Variants in WASF2 observed in about 807,000 individuals in gnomAD.
The protein encoded by WASF2 is WASP family member 2, also known as actin-binding protein WASF2.
A neutral mutation model predicts 45.0 loss-of-function variants in WASF2; 14 were observed. The observed-to-expected ratio is 0.31, with a 90% confidence interval of 0.21 to 0.49. The LOEUF is 0.49. Among genes scored for constraint, WASF2 ranks in the 20% least tolerant of loss-of-function variants. The pLI is 0.99. For missense variants in WASF2, 439 were observed against 636.1 expected (o/e 0.69, Z 3.33); for synonymous variants, 200 against 236.3 (o/e 0.85, Z 1.41).
intron 1 of WASF2, among the ~76,000 whole-genome samples, chr1:27,460,708 A>C (rs991595933): frequency 3.9e-5 from 6 of 152,210 alleles, no homozygotes; most frequent in Admixed American, 1.3e-4. Flanking sequence ...GCCAAAATGG[A>C]GTACAGATAT....
intron 3 of WASF2, 35 bp from the exon 4 acceptor site, chr1:27,418,457 A>G: frequency 1.2e-6 from 2 of 1,614,034 alleles, no homozygotes; most frequent in East Asian, 4.5e-5. Context: ...AAAATGGACG[A>G]CAGGCTATTT....
chr1:27,419,158 TA>T, intron 2 of WASF2, 70 bp from the exon 3 acceptor site: 1 of 1,575,620 alleles, frequency 6.3e-7, no homozygotes, highest in South Asian at 1.1e-5. Flanking sequence ...AACTGGCTAC[TA>T]AAGATCGTGT....
At chr1:27,416,137 G>A in intron 4 of WASF2, 35 bp from the exon 5 acceptor site, 1 of 1,573,886 alleles carries the variant, frequency 6.4e-7, no homozygotes, top group Non-Finnish European at 8.7e-7. Context: ...GCTGTCAGTA[G>A]ACAGATGAGC....
At chr1:27,452,845 A>C (rs1172173348) in intron 1 of WASF2, among the ~76,000 whole-genome samples, 2 of 151,028 alleles carry the variant, frequency 1.3e-5, no homozygotes, top group Non-Finnish European at 3.0e-5. Context: ...AAAAATTTAA[A>C]AATTAAAAAT....
At chr1:27,462,141 C>T (rs1226732821) in intron 1 of WASF2, among the ~76,000 whole-genome samples, 1 of 151,524 alleles carries the variant, frequency 6.6e-6, no homozygotes, top group East Asian at 2.0e-4. Flanking sequence ...CCGTTCCCGG[C>T]GAATTTTTGT....
intron 1 of WASF2, among the ~76,000 whole-genome samples, chr1:27,430,911 A>C (rs1412819423): frequency 6.6e-6 from 1 of 152,216 alleles, no homozygotes; most frequent in Non-Finnish European, 1.5e-5. Context: ...GCTTAAACCA[A>C]ACTAAATATT....
At chr1:27,461,008 T>C (rs1181313488) in intron 1 of WASF2, among the ~76,000 whole-genome samples, 1 of 151,528 alleles carries the variant, frequency 6.6e-6, no homozygotes, top group East Asian at 1.9e-4. Flanking sequence ...TATCTGGGGG[T>C]GTTTGTGGGC....
chr1:27,487,249 C>T (rs1428272494), intron 1 of WASF2, among the ~76,000 whole-genome samples: 1 of 145,544 alleles, frequency 6.9e-6, no homozygotes, highest in African/African-American at 2.5e-5. Context: ...TACAGGCACC[C>T]GCCACCACGC....
chr1:27,489,232 G>A (rs2017990179), intron 1 of WASF2, among the ~76,000 whole-genome samples: 1 of 146,782 alleles, frequency 6.8e-6, no homozygotes, highest in Non-Finnish European at 1.5e-5. Context: ...TCCTTACTCT[G>A]CAGACTATCC....
intron 1 of WASF2, among the ~76,000 whole-genome samples, chr1:27,463,572 G>A (rs560195436): frequency 1.8e-3 from 257 of 143,176 alleles, no homozygotes; most frequent in Non-Finnish European, 2.8e-3. Flanking sequence ...GCAGTGAGCC[G>A]AGATAGCGCC....
intron 1 of WASF2, among the ~76,000 whole-genome samples, chr1:27,480,432 G>T (rs113429108): frequency 6.6e-6 from 1 of 151,610 alleles, no homozygotes; most frequent in African/African-American, 2.4e-5. Context: ...CACAAGAATC[G>T]CTTGGACCCG....
At chr1:27,485,577 TCA>T (rs764585144) in intron 1 of WASF2, among the ~76,000 whole-genome samples, 1 of 152,344 alleles carries the variant, frequency 6.6e-6, no homozygotes, top group East Asian at 1.9e-4. Context: ...CACATTTTAA[TCA>T]CAGTAAGATT....
At chr1:27,459,123 T>TA (rs752680109) in intron 1 of WASF2, among the ~76,000 whole-genome samples, 105 of 142,424 alleles carry the variant, frequency 7.4e-4, no homozygotes, top group Middle Eastern at 7.1e-3. Flanking sequence ...AGACTCCATC[T>TA]AAAAAAAAAA....
intron 2 of WASF2, among the ~76,000 whole-genome samples, chr1:27,420,394 A>G (rs1200717097): frequency 6.6e-6 from 1 of 152,068 alleles, no homozygotes; most frequent in African/African-American, 2.4e-5. Flanking sequence ...TGCAAGGAGA[A>G]TTTGCAGCCA....
chr1:27,456,090 A>C (rs2017462277), intron 1 of WASF2, among the ~76,000 whole-genome samples: 1 of 152,166 alleles, frequency 6.6e-6, no homozygotes, highest in Non-Finnish European at 1.5e-5. Flanking sequence ...TGGGAGGCCG[A>C]GGCAGGCGGA....
At chr1:27,416,965 T>G (rs143111870) in intron 4 of WASF2, among the ~76,000 whole-genome samples, 32 of 152,240 alleles carry the variant, frequency 2.1e-4, no homozygotes, top group African/African-American at 7.5e-4. Flanking sequence ...GAAAGGCAAT[T>G]CTATTCCCTA....
chr1:27,461,720 C>T (rs1377826168), intron 1 of WASF2, among the ~76,000 whole-genome samples: 7 of 151,998 alleles, frequency 4.6e-5, no homozygotes, highest in African/African-American at 1.4e-4. Flanking sequence ...GTAATCCACC[C>T]GCCTCGGCCT....
In WASF2 at chr1:27,418,432, G is replaced by A; in HGVS notation, c.266-10C>T. ...ATTCCTTGCAGTGACACTGAGAGAA[G>A]ATGGAAGGCGTTAGAAAATGGACGA... On this transcript the variant is annotated splice_polypyrimidine_tract_variant and intron_variant, in intron 3 of 8. Transcript: ENST00000618852. The A allele has an allele frequency of 6.2e-7, 1 of 1,614,222 alleles. No homozygotes were observed. Among genetic ancestry groups the A allele is most frequent in the Non-Finnish European group, 8.5e-7 (1 of 1,180,034 alleles).
chr1:27,424,530 A>ATTT lies in WASF2; in HGVS notation c.130+4228_130+4230dup, dbSNP rs55717236. ...CAATACATGATTTCTACCTTCAACAATTTTTTTTTTTTGGTTGCCCAGGCT... is the reference window on the plus strand; with the variant it reads ...CAATACATGATTTCTACCTTCAACAATTTTTTTTTTTTTTTGGTTGCCCAGGCT... On this transcript the variant is annotated intron_variant, in intron 2 of 8. Coordinates refer to ENST00000618852, the MANE Select transcript of WASF2 (RefSeq NM_006990.5). 2.1e-3 allele frequency among the ~76,000 whole-genome samples: 319 copies of ATTT among 149,780 alleles called. 1 individual carries two copies. The highest frequency in any genetic ancestry group is 3.9e-3 in the Non-Finnish European group (260 of 67,458).
Sources: gnomAD v4.1 joint callset for allele counts (sites outside exome capture counted in the v4.1 genomes callset) on GRCh38, gnomAD v4.1.1 for gene constraint, MANE v1.5 for transcripts, NCBI Gene and HGNC (gene_info 2026-07-23, HGNC 2026-07-21) for gene names.